The following PALS2 variants were observed in gnomAD, a reference collection of about 807,000 sequenced individuals.
PALS2 encodes protein PALS2.
Under a neutral mutation model 61.6 loss-of-function variants are expected in PALS2, and 27 were observed. The observed-to-expected ratio is 0.44, with a 90% CI of 0.32 to 0.60. PALS2 has a LOEUF of 0.60. Ranked by LOEUF, PALS2 falls within the 20% of genes least tolerant of loss-of-function variation. The pLI is 0.05. For missense variants in PALS2, 554 were observed against 639.4 expected, an observed-to-expected ratio of 0.87 and a Z score of 1.44; for synonymous variants, 236 against 218.6, an observed-to-expected ratio of 1.08 and a Z score of -0.70.
At chr7:24,588,754 A>C (rs779455833) in intron 1 of PALS2, among the ~76,000 whole-genome samples, 3 of 152,246 alleles carry the variant, frequency 2.0e-5, no homozygotes, top group Non-Finnish European at 2.9e-5. Context: ...CTGAAATTCT[A>C]GAATGAAACA....
At chr7:24,584,756 G>C (rs141411090) in intron 1 of PALS2, among the ~76,000 whole-genome samples, 6,739 of 151,940 alleles carry the variant, frequency 0.044, 189 homozygotes, top group African/African-American at 0.063. Context: ...GTCCTGAATG[G>C]TAATGCCTAG....
intron 2 of PALS2, among the ~76,000 whole-genome samples, chr7:24,637,249 C>A (rs1036069634): frequency 7.0e-6 from 1 of 142,098 alleles, no homozygotes; most frequent in Non-Finnish European, 1.5e-5. Context: ...CTGATATGTT[C>A]TTTACTCACT....
intron 1 of PALS2, among the ~76,000 whole-genome samples, chr7:24,600,700 T>C (rs555518405): frequency 6.6e-6 from 1 of 152,258 alleles, no homozygotes; most frequent in Non-Finnish European, 1.5e-5. Flanking sequence ...TAAATTATAG[T>C]TTTTACATCT....
intron 5 of PALS2, among the ~76,000 whole-genome samples, chr7:24,654,455 T>A (rs1786314808): frequency 6.6e-6 from 1 of 152,148 alleles, no homozygotes; most frequent in African/African-American, 2.4e-5. Flanking sequence ...GACACAAAAC[T>A]CAATTGCATT....
At chr7:24,665,791 A>G (rs1583976930) in intron 7 of PALS2, 104 bp downstream of exon 7, 2 of 1,093,270 alleles carry the variant, frequency 1.8e-6, no homozygotes, top group Non-Finnish European at 2.7e-6. Flanking sequence ...TATGTCTAGA[A>G]TGAATCCCTC....
At chr7:24,604,200 CCT>C (rs1322573926) in intron 1 of PALS2, among the ~76,000 whole-genome samples, 1 of 143,366 alleles carries the variant, frequency 7.0e-6, no homozygotes, top group Non-Finnish European at 1.5e-5. Flanking sequence ...CAGTAAAGAC[CCT>C]GTTTCTTTCA....
At chr7:24,655,630 ATTTTTTTTT>A (rs770410952) in intron 5 of PALS2, among the ~76,000 whole-genome samples, 2 of 96,926 alleles carry the variant, frequency 2.1e-5, no homozygotes, top group African/African-American at 8.1e-5. Context: ...TAGTTAGTAG[ATTTTTTTTT>A]TTTTTTTTTT....
At chr7:24,623,822 G>A in intron 2 of PALS2, 38 bp downstream of exon 2, 1 of 1,408,186 alleles carries the variant, frequency 7.1e-7, no homozygotes, top group Non-Finnish European at 9.8e-7. Context: ...GAATTATTTT[G>A]GACTTAGTTT....
intron 5 of PALS2, among the ~76,000 whole-genome samples, chr7:24,653,782 A>G (rs1276743500): frequency 6.6e-6 from 1 of 152,238 alleles, no homozygotes; most frequent in Non-Finnish European, 1.5e-5. Flanking sequence ...GATCTTCATT[A>G]ACAATCCCAG....
intron 1 of PALS2, among the ~76,000 whole-genome samples, chr7:24,580,835 G>A (rs1020040839): frequency 1.3e-5 from 2 of 152,144 alleles, no homozygotes; most frequent in South Asian, 4.1e-4. Flanking sequence ...GTAAACATTT[G>A]ATAATATTAT....
At chr7:24,614,782 C>A (rs1302279550) in intron 1 of PALS2, among the ~76,000 whole-genome samples, 1 of 151,930 alleles carries the variant, frequency 6.6e-6, no homozygotes, top group Admixed American at 6.6e-5. Context: ...GCAGAATACA[C>A]ATTTTTTTCG....
chr7:24,637,341 A>G (rs983569658), intron 2 of PALS2, among the ~76,000 whole-genome samples: 3 of 132,706 alleles, frequency 2.3e-5, no homozygotes, highest in Non-Finnish European at 4.7e-5. Flanking sequence ...CCTTTTTGAT[A>G]TAATGTATGC....
At chr7:24,574,574 T>G (rs904969163) in intron 1 of PALS2, among the ~76,000 whole-genome samples, 1 of 152,102 alleles carries the variant, frequency 6.6e-6, no homozygotes, top group Non-Finnish European at 1.5e-5. Flanking sequence ...CCGGGGAAGC[T>G]CAGAAAATTC....
At chr7:24,629,100 G>A (rs1455672002) in intron 2 of PALS2, among the ~76,000 whole-genome samples, 1 of 152,050 alleles carries the variant, frequency 6.6e-6, no homozygotes, top group South Asian at 2.1e-4. Context: ...ATACTACAAG[G>A]CTACAGTAAC....
intron 3 of PALS2, among the ~76,000 whole-genome samples, chr7:24,646,907 T>C (rs995165769): frequency 6.6e-6 from 1 of 152,106 alleles, no homozygotes; most frequent in Non-Finnish European, 1.5e-5. Context: ...GGAATTTATC[T>C]CTCTTCTAGG....
intron 11 of PALS2, among the ~76,000 whole-genome samples, chr7:24,683,081 A>C (rs1788017136): frequency 1.3e-5 from 2 of 152,178 alleles, no homozygotes; most frequent in South Asian, 4.1e-4. Context: ...CTGATCTATA[A>C]AGTTCCTCAG....
intron 3 of PALS2, among the ~76,000 whole-genome samples, chr7:24,646,086 C>T (rs375749147): frequency 2.4e-4 from 36 of 152,090 alleles, no homozygotes; most frequent in South Asian, 4.2e-4. Flanking sequence ...TATAGAATTA[C>T]GTCATCTGCA....
At chr7:24,679,633 A>T (rs1295996703) in intron 10 of PALS2, among the ~76,000 whole-genome samples, 6 of 152,206 alleles carry the variant, frequency 3.9e-5, no homozygotes, top group African/African-American at 1.2e-4. Flanking sequence ...GTGTTAAGAA[A>T]TGTTAAGTTT....
At chr7:24,595,423 A>G in intron 1 of PALS2, among the ~76,000 whole-genome samples, 1 of 142,192 alleles carries the variant, frequency 7.0e-6, no homozygotes, top group South Asian at 2.1e-4. Flanking sequence ...ATATAAATAT[A>G]TAAAAAATAT....
Sources: allele counts gnomAD v4.1 joint callset (sites outside exome capture counted in the v4.1 genomes callset), GRCh38; gene constraint gnomAD v4.1.1; transcripts MANE v1.5; gene names NCBI Gene and HGNC (gene_info 2026-07-23, HGNC 2026-07-21).